CFAP47: variants seen among roughly 807,000 people sequenced by gnomAD.
CFAP47 encodes cilia and flagella associated protein 47.
CFAP47 carries 29 observed loss-of-function variants against 148.1 expected under a neutral mutation model. That is an observed-to-expected ratio of 0.20 (90% CI 0.15 to 0.27). CFAP47 has a LOEUF of 0.27. CFAP47 is among the 10% of genes least tolerant of loss of function. CFAP47 has a pLI of 1.00. For synonymous variants in CFAP47, 664 were observed against 577.3 expected (o/e 1.15, Z -2.15); for missense variants, 1,872 against 1,697.5 (o/e 1.10, Z -1.81).
At chrX:36,089,204 C>A (rs1202708952) in intron 30 of CFAP47, among the ~76,000 whole-genome samples, 1 of 109,963 alleles carries the variant, frequency 9.1e-6, no homozygotes, top group Admixed American at 9.8e-5. Flanking sequence ...CCTGTCTCTA[C>A]TAAAAACACA....
At chrX:36,013,960 C>G (rs1251862889) in intron 21 of CFAP47, among the ~76,000 whole-genome samples, 1 of 111,910 alleles carries the variant, frequency 8.9e-6, no homozygotes, top group Non-Finnish European at 1.9e-5. Context: ...TGGGTAAACA[C>G]CTAAATTTGG....
At chrX:36,082,697 A>C (rs770638437) in intron 29 of CFAP47, among the ~76,000 whole-genome samples, 1 of 111,409 alleles carries the variant, frequency 9.0e-6, no homozygotes, top group African/African-American at 3.3e-5. Context: ...GGGAAGCTTA[A>C]GGAAAGCTTG....
At chrX:36,146,874 C>T (rs927961113) in intron 36 of CFAP47, among the ~76,000 whole-genome samples, 7 of 106,719 alleles carry the variant, frequency 6.6e-5, no homozygotes, top group Admixed American at 1.0e-4. Flanking sequence ...TCTGCCTTCG[C>T]AGGTTCAAGC....
intron 21 of CFAP47, among the ~76,000 whole-genome samples, chrX:36,007,388 G>A (rs952207756): frequency 8.9e-6 from 1 of 112,179 alleles, no homozygotes; most frequent in Non-Finnish European, 1.9e-5. Flanking sequence ...ACTGGACTGG[G>A]TACTGAAATC....
chrX:36,007,372 A>G (rs201330001), intron 21 of CFAP47, among the ~76,000 whole-genome samples: 1 of 112,277 alleles, frequency 8.9e-6, no homozygotes, highest in East Asian at 2.8e-4. Context: ...ATGTCTGTCT[A>G]CCAACACTGG....
In CFAP47 at chrX:35,997,378, G is replaced by C; in HGVS notation, c.3166G>C (p.Glu1056Gln). ...IGGSAEIADV[E>Q]INPDVFNFSG... ...TGGATCTGCTGAAATTGCTGATGTA[G>C]AAATCAATCCTGTGAGTATGTTACT... The change falls in exon 19 of 64, where the codon GAA becomes CAA. Residue 1056 changes from glutamate (E) to glutamine (Q), a missense_variant. Coordinates refer to ENST00000378653, the MANE Select transcript of CFAP47 (RefSeq NM_001304548.2). The C allele has an allele frequency of 6.8e-6, 2 of 295,282 alleles. No homozygotes were observed. Among genetic ancestry groups the C allele is most frequent in the East Asian group, 9.6e-5 (2 of 20,876 alleles). The allele number at this position is 295,282 out of a possible 1,213,427, so 24.3% of individuals were successfully genotyped here.
chrX:36,178,475 G>T (rs6632506), intron 39 of CFAP47, among the ~76,000 whole-genome samples: 1,883 of 110,317 alleles, frequency 0.017, 40 homozygotes, highest in African/African-American at 0.058. Context: ...TGTGTTTGTG[G>T]GTGTGTGTGT....
chrX:36,115,739 C>T (rs374504758), intron 33 of CFAP47, among the ~76,000 whole-genome samples: 3 of 111,659 alleles, frequency 2.7e-5, no homozygotes, highest in East Asian at 5.6e-4. Flanking sequence ...AAATAGCTAA[C>T]AGATATAAAA....
chrX:36,133,328 T>C (rs974192976), intron 33 of CFAP47, among the ~76,000 whole-genome samples: 1 of 111,305 alleles, frequency 9.0e-6, no homozygotes, highest in African/African-American at 3.3e-5. Flanking sequence ...TTAGTGTTGC[T>C]GTAACAGAAT....
intron 49 of CFAP47, among the ~76,000 whole-genome samples, chrX:36,261,903 G>A (rs1274673354): frequency 8.1e-5 from 9 of 111,055 alleles, no homozygotes; most frequent in African/African-American, 3.3e-5. Flanking sequence ...AGGGGCGGCC[G>A]GGCAGAGGCG....
chrX:36,360,454 T>C (rs1941819621), intron 60 of CFAP47, among the ~76,000 whole-genome samples: 1 of 111,685 alleles, frequency 9.0e-6, no homozygotes, highest in Non-Finnish European at 1.9e-5. Context: ...CAAGGATATA[T>C]GACAGAGTTG....
intron 49 of CFAP47, among the ~76,000 whole-genome samples, chrX:36,261,499 G>A (rs1364327890): frequency 9.5e-6 from 1 of 105,427 alleles, no homozygotes; most frequent in African/African-American, 3.6e-5. Context: ...GTGTCCCTGG[G>A]TACTTGAGAT....
chrX:36,323,573 T>G (rs5973644), intron 57 of CFAP47, among the ~76,000 whole-genome samples: 3,252 of 111,458 alleles, frequency 0.029, 145 homozygotes, highest in African/African-American at 0.1. Flanking sequence ...GTGACAACTG[T>G]TACGACTAAC....
At position 35,957,065 on chromosome X, in the gene CFAP47, C is replaced by T. The variant is rs138997224; in HGVS notation, c.1410+869C>T. Among the ~76,000 whole-genome samples the T allele has an allele frequency of 8.3e-4, 91 of 109,236 alleles. 4 individuals carry two copies. The East Asian group carries it at 0.018, about 21-fold the overall frequency. 94.9% of individuals were successfully genotyped at this position (109,236 alleles called of 115,157 possible). ...CTCTACTAAAAATATGAAAATTAGC[C>T]GGGCGTGGTGGCACATGCCTCTAGT... On this transcript the variant is annotated intron_variant, in intron 8 of 63. Transcript: ENST00000378653.
chrX:35,983,356 T>G lies in CFAP47; in HGVS notation c.2714-5963T>G, dbSNP rs768567246. ...AATCTAGGTGTATTTGGGCAGAGAC[T>G]ATGGGGCTTTCTAGGTATAGAATCA... On this transcript the variant is annotated intron_variant, in intron 15 of 63. Coordinates refer to ENST00000378653, the MANE Select transcript of CFAP47 (RefSeq NM_001304548.2). 3.6e-5 allele frequency among the ~76,000 whole-genome samples: 4 copies of G among 111,919 alleles called. No homozygotes were observed. In the South Asian group the frequency reaches 1.5e-3, roughly 41 times the overall value.
At chrX:36,230,667 A>G (rs1940339198) in intron 46 of CFAP47, among the ~76,000 whole-genome samples, 1 of 110,282 alleles carries the variant, frequency 9.1e-6, no homozygotes, top group Non-Finnish European at 1.9e-5. Flanking sequence ...CTGGTGTTTT[A>G]GACATGAAGT....
At chrX:35,966,775 C>T in intron 9 of CFAP47, 21 bp downstream of exon 9, 1 of 1,016,753 alleles carries the variant, frequency 9.8e-7, no homozygotes, top group Non-Finnish European at 1.3e-6. Context: ...GTGTAGTGCC[C>T]ACCTGGCTTT....
intron 34 of CFAP47, 39 bp downstream of exon 34, chrX:36,138,094 T>TA: frequency 3.2e-6 from 2 of 619,215 alleles, no homozygotes; most frequent in African/African-American, 2.3e-5. Flanking sequence ...TTCTATTATT[T>TA]AAAAAAACTT....
chrX:35,933,188 A>G (rs1935856752), intron 2 of CFAP47, among the ~76,000 whole-genome samples: 1 of 110,532 alleles, frequency 9.0e-6, no homozygotes, highest in Non-Finnish European at 1.9e-5. Context: ...TTATATTTTT[A>G]CACGCATTAA....
Sources: gnomAD v4.1 joint callset for allele counts (sites outside exome capture counted in the v4.1 genomes callset) on GRCh38, gnomAD v4.1.1 for gene constraint, MANE v1.5 for transcripts, NCBI Gene and HGNC (gene_info 2026-07-23, HGNC 2026-07-21) for gene names.